The following TENM2 variants were observed in gnomAD, a reference collection of about 807,000 sequenced individuals.
TENM2 encodes teneurin-2.
Under a neutral mutation model 245.2 loss-of-function variants are expected in TENM2, and 52 were observed. That is an observed-to-expected ratio of 0.21 (90% CI 0.17 to 0.27). The LOEUF (loss-of-function observed/expected upper bound fraction) is 0.27, where lower values mean the gene tolerates loss of function less well. Among genes scored for constraint, TENM2 ranks in the 10% least tolerant of loss-of-function variants. The pLI is 1.00. For missense variants in TENM2, 3,046 were observed against 3,666.8 expected, an observed-to-expected ratio of 0.83 and a Z score of 4.37; for synonymous variants, 1,363 against 1,438.9, an observed-to-expected ratio of 0.95 and a Z score of 1.19.
At chr5:167,207,474 G>A in the TENM2 span, among the ~76,000 whole-genome samples, 1 of 152,132 alleles carries the variant, frequency 6.6e-6, no homozygotes, top group African/African-American at 2.4e-5. Flanking sequence ...TATTGGCAAG[G>A]AATTCATTTT....
intron 2 of TENM2, among the ~76,000 whole-genome samples, chr5:167,585,301 T>C (rs1775409695): frequency 6.6e-6 from 1 of 152,208 alleles, no homozygotes; most frequent in African/African-American, 2.4e-5. Context: ...AAAAGTACAC[T>C]TGTTTGGAGG....
intron 13 of TENM2, among the ~76,000 whole-genome samples, chr5:168,164,016 G>A (rs1757988198): frequency 6.6e-6 from 1 of 152,174 alleles, no homozygotes; most frequent in Non-Finnish European, 1.5e-5. Context: ...GGTATGAGGA[G>A]CATGAGAATT....
chr5:167,106,894 T>C, the TENM2 span, among the ~76,000 whole-genome samples: 2 of 151,932 alleles, frequency 1.3e-5, no homozygotes, highest in African/African-American at 4.8e-5. Context: ...GCATAGAAGA[T>C]AGTGCTGTTG....
At chr5:168,059,969 G>T (rs190679785) in intron 6 of TENM2, among the ~76,000 whole-genome samples, 2 of 152,300 alleles carry the variant, frequency 1.3e-5, no homozygotes, top group East Asian at 3.9e-4. Context: ...GATACATTTA[G>T]CCAGTATCAA....
At chr5:167,929,098 AAAGAAAGAAAGAAAGAAAGAAAGAAAG>A (rs1778054490) in intron 3 of TENM2, among the ~76,000 whole-genome samples, 1 of 143,100 alleles carries the variant, frequency 7.0e-6, no homozygotes, top group East Asian at 2.1e-4. Context: ...AGAAAGAAAG[AAAGAAAGAAAGAAAGAAAGAAAGAAAG>A]AAAGAAAAGA....
At chr5:167,344,195 CAT>C (rs1387516961) in intron 1 of TENM2, among the ~76,000 whole-genome samples, 2 of 147,982 alleles carry the variant, frequency 1.4e-5, no homozygotes, top group South Asian at 2.1e-4. Context: ...TACACACACA[CAT>C]ATTGCAGAGA....
intron 1 of TENM2, among the ~76,000 whole-genome samples, chr5:167,293,368 ATTTTTTTTTTTT>A (rs199972172): frequency 7.7e-6 from 1 of 130,542 alleles, no homozygotes; most frequent in South Asian, 2.5e-4. Context: ...TGTCCGGCTA[ATTTTTTTTTTTT>A]TTTTTTTTTT....
intron 7 of TENM2, among the ~76,000 whole-genome samples, chr5:168,075,968 C>A (rs1021569149): frequency 2.0e-5 from 3 of 152,046 alleles, no homozygotes; most frequent in Admixed American, 2.0e-4. Flanking sequence ...GATTCAAATA[C>A]CTCCCACCGT....
chr5:168,107,910 C>T (rs1794382922), intron 9 of TENM2, among the ~76,000 whole-genome samples: 1 of 152,236 alleles, frequency 6.6e-6, no homozygotes, highest in Admixed American at 6.5e-5. Flanking sequence ...GCAGCAGTGG[C>T]CCCTGCCACA....
At chr5:167,991,760 T>C (rs1370757844) in intron 4 of TENM2, among the ~76,000 whole-genome samples, 2 of 152,138 alleles carry the variant, frequency 1.3e-5, no homozygotes, top group Non-Finnish European at 2.9e-5. Flanking sequence ...AGAAGGCATC[T>C]CAGAACAGGA....
At chr5:167,591,462 A>G (rs1420165291) in intron 2 of TENM2, among the ~76,000 whole-genome samples, 1 of 152,198 alleles carries the variant, frequency 6.6e-6, no homozygotes, top group African/African-American at 2.4e-5. Flanking sequence ...CTTTCTTCCA[A>G]TTAATTTCAG....
chr5:167,045,387 T>A, the TENM2 span, among the ~76,000 whole-genome samples: 1 of 152,170 alleles, frequency 6.6e-6, no homozygotes, highest in South Asian at 2.1e-4. Flanking sequence ...ACCTAGTACA[T>A]TCTAAGTGTT....
intron 2 of TENM2, among the ~76,000 whole-genome samples, chr5:167,464,839 T>C (rs1388452396): frequency 6.6e-6 from 1 of 152,228 alleles, no homozygotes; most frequent in African/African-American, 2.4e-5. Context: ...AATTTCTCTC[T>C]AAGTAAATTT....
intron 4 of TENM2, among the ~76,000 whole-genome samples, chr5:167,976,123 T>C (rs1782426409): frequency 6.6e-6 from 1 of 152,172 alleles, no homozygotes. Flanking sequence ...TTTATATACC[T>C]TCCTCTTTCT....
the TENM2 span, among the ~76,000 whole-genome samples, chr5:167,235,528 A>T: frequency 6.6e-6 from 1 of 152,192 alleles, no homozygotes; most frequent in South Asian, 2.1e-4. Flanking sequence ...AGGGTAAATT[A>T]TCACATCTTT....
Position 167,501,589 on chromosome 5 carries a change from T to G in TENM2, c.502+126116T>G, listed in dbSNP as rs549772091. 5.9e-5 allele frequency among the ~76,000 whole-genome samples: 9 copies of G among 152,306 alleles called. No individual in the cohort carries two copies. In the East Asian group the frequency reaches 1.7e-3, roughly 29 times the overall value. On this transcript the variant is annotated intron_variant, in intron 2 of 28. Coordinates refer to ENST00000518659, the Ensembl canonical transcript of TENM2. ...GTCCCCATTCCCCAAATCCTTCTTT[T>G]ATCTCCTTGTTTCTCCCAAACTCTG...
chr5:167,284,850 G>A, exon 1 of TENM2: 3 of 1,551,098 alleles, frequency 1.9e-6, no homozygotes, highest in Non-Finnish European at 8.7e-7. Flanking sequence ...GGATGTAAAG[G>A]ACCGGCGACA....
chr5:168,110,026 A>ATTAAGAACCCTTCT (rs1181032411), intron 9 of TENM2, among the ~76,000 whole-genome samples: 1 of 148,552 alleles, frequency 6.7e-6, no homozygotes, highest in African/African-American at 2.5e-5. Flanking sequence ...TGCTTCTGAG[A>ATTAAGAACCCTTCT]TTAAGAACCC....
At chr5:167,873,219 T>C (rs552979053) in intron 2 of TENM2, among the ~76,000 whole-genome samples, 9 of 152,228 alleles carry the variant, frequency 5.9e-5, no homozygotes, top group Non-Finnish European at 1.0e-4. Flanking sequence ...AGAAAAACTT[T>C]GAACTCTGTC....
Sources: allele counts gnomAD v4.1 joint callset (sites outside exome capture counted in the v4.1 genomes callset), GRCh38; gene constraint gnomAD v4.1.1; transcripts MANE v1.5; gene names NCBI Gene and HGNC (gene_info 2026-07-23, HGNC 2026-07-21).